The following GRM7 variants were observed in gnomAD, a reference collection of about 807,000 sequenced individuals.
GRM7 encodes glutamate metabotropic receptor 7.
Under a neutral mutation model 84.5 loss-of-function variants are expected in GRM7, and 35 were observed. The ratio of observed to expected loss-of-function variants is 0.41; its 90% CI spans 0.32 to 0.55. The LOEUF is 0.55. Among genes scored for constraint, GRM7 ranks in the 20% least tolerant of loss-of-function variants. The pLI is 0.19. For synonymous variants in GRM7, 487 were observed against 455.1 expected (o/e 1.07, Z -0.89); for missense variants, 1,003 against 1,194.6 (o/e 0.84, Z 2.36).
At chr3:7,258,010 C>T (rs760844402) in intron 2 of GRM7, among the ~76,000 whole-genome samples, 1 of 152,154 alleles carries the variant, frequency 6.6e-6, no homozygotes, top group East Asian at 1.9e-4. Flanking sequence ...TTATTCTCAT[C>T]CTTATACCCC....
At chr3:7,075,569 C>T (rs1698043268) in intron 1 of GRM7, among the ~76,000 whole-genome samples, 1 of 150,936 alleles carries the variant, frequency 6.6e-6, no homozygotes, top group Non-Finnish European at 1.5e-5. Flanking sequence ...CTCACTCTGT[C>T]GCCCAGGCTG....
At chr3:7,563,875 G>C (rs1259865541) in intron 7 of GRM7, among the ~76,000 whole-genome samples, 1 of 152,192 alleles carries the variant, frequency 6.6e-6, no homozygotes, top group Admixed American at 6.5e-5. Context: ...GCTGTTTTTA[G>C]GTAGAGATGA....
chr3:7,620,670 G>A (rs112155097), intron 8 of GRM7, among the ~76,000 whole-genome samples: 5 of 152,204 alleles, frequency 3.3e-5, no homozygotes, highest in African/African-American at 1.2e-4. Context: ...TTTATATGCT[G>A]GTGGAGATGT....
chr3:7,086,528 C>T (rs1033670915), intron 1 of GRM7, among the ~76,000 whole-genome samples: 3 of 151,984 alleles, frequency 2.0e-5, no homozygotes, highest in African/African-American at 7.2e-5. Context: ...AAAATATTTC[C>T]AAAGATATCT....
intron 1 of GRM7, among the ~76,000 whole-genome samples, chr3:7,037,291 G>T (rs1696420921): frequency 6.6e-6 from 1 of 152,134 alleles, no homozygotes; most frequent in East Asian, 1.9e-4. Context: ...TGTGGCTTTT[G>T]TCGTTACTTT....
At chr3:7,296,821 T>TA (rs61060115) in intron 2 of GRM7, among the ~76,000 whole-genome samples, 2,819 of 144,206 alleles carry the variant, frequency 0.02, 76 homozygotes, top group African/African-American at 0.062. Flanking sequence ...ACAGCTTTTT[T>TA]AAAAAAAAAA....
intron 7 of GRM7, among the ~76,000 whole-genome samples, chr3:7,475,039 A>G (rs531592156): frequency 6.9e-4 from 105 of 152,336 alleles, no homozygotes; most frequent in African/African-American, 2.5e-3. Context: ...CAACAAATAC[A>G]CAACTATTCA....
intron 1 of GRM7, among the ~76,000 whole-genome samples, chr3:7,071,424 G>A (rs1231501046): frequency 6.6e-6 from 1 of 152,012 alleles, no homozygotes; most frequent in East Asian, 1.9e-4. Context: ...TTCCATTCTA[G>A]CCATTCCAGA....
chr3:7,677,643 A>G (rs1700187635), intron 8 of GRM7, among the ~76,000 whole-genome samples: 1 of 152,228 alleles, frequency 6.6e-6, no homozygotes, highest in Non-Finnish European at 1.5e-5. Flanking sequence ...AATGAAAATC[A>G]AAGTCTTGAT....
At chr3:6,964,380 G>T (rs970686689) in intron 1 of GRM7, among the ~76,000 whole-genome samples, 17 of 152,076 alleles carry the variant, frequency 1.1e-4, no homozygotes, top group Non-Finnish European at 2.1e-4. Flanking sequence ...GCTCTCTGGG[G>T]TCCCTTTTAT....
At chr3:7,395,148 T>C (rs1477852617) in intron 4 of GRM7, among the ~76,000 whole-genome samples, 1 of 152,172 alleles carries the variant, frequency 6.6e-6, no homozygotes, top group Non-Finnish European at 1.5e-5. Context: ...TAAATATGTT[T>C]ATAGAGCCAA....
At chr3:7,045,729 G>A (rs1205106914) in intron 1 of GRM7, among the ~76,000 whole-genome samples, 1 of 151,988 alleles carries the variant, frequency 6.6e-6, no homozygotes, top group African/African-American at 2.4e-5. Flanking sequence ...CATTTTTAAG[G>A]TTGAATAATA....
chr3:7,039,518 TA>T (rs1696513014), intron 1 of GRM7, among the ~76,000 whole-genome samples: 1 of 152,194 alleles, frequency 6.6e-6, no homozygotes, highest in Non-Finnish European at 1.5e-5. Context: ...CATATGCTAA[TA>T]AGCCTGTAGT....
At position 7,622,529 on chromosome 3, in the gene GRM7, CT is replaced by C. The variant is rs534736281; in HGVS notation, c.2451+43173del. Among the ~76,000 whole-genome samples the C allele has an allele frequency of 2.1e-3, 323 of 152,130 alleles. 1 individual carries two copies. The highest frequency in any genetic ancestry group is 0.017 in the Middle Eastern group (5 of 294). ...TAATCCCACAAATAGAAAATTGCAACTGTGTTAAGTGCCATAAAGGAGAGGC... is the reference window on the plus strand; with the variant it reads ...TAATCCCACAAATAGAAAATTGCAACGTGTTAAGTGCCATAAAGGAGAGGC... On this transcript the variant is annotated intron_variant, in intron 8 of 9. Coordinates refer to ENST00000357716, the MANE Select transcript of GRM7 (RefSeq NM_000844.4).
At chr3:7,043,344 A>G (rs186660751) in intron 1 of GRM7, among the ~76,000 whole-genome samples, 1 of 152,210 alleles carries the variant, frequency 6.6e-6, no homozygotes, top group Admixed American at 6.5e-5. Context: ...CTGGACTCTC[A>G]GCTTTGTCTC....
chr3:7,286,965 G>A (rs1287965765), intron 2 of GRM7, among the ~76,000 whole-genome samples: 1 of 152,104 alleles, frequency 6.6e-6, no homozygotes, highest in Non-Finnish European at 1.5e-5. Context: ...ATCTTAGATA[G>A]GACTTTGGCT....
chr3:7,571,955 C>T (rs972191589), intron 7 of GRM7, among the ~76,000 whole-genome samples: 4 of 152,128 alleles, frequency 2.6e-5, no homozygotes, highest in Non-Finnish European at 5.9e-5. Flanking sequence ...TGCAGGGAAA[C>T]TCCCATTTTT....
chr3:6,862,987 C>T lies in GRM7; in HGVS notation c.519+1080C>T, dbSNP rs1319858635. ...CTCCAGCAGCCTCTGCCCCATGGCT[C>T]CTGAGCTGCACTGGGTAGGAATGAG... On this transcript the variant is annotated intron_variant, in intron 1 of 9. Transcript: ENST00000357716. The surrounding 1 kb of genome is among the most constrained non-coding windows in gnomAD (Gnocchi z 5.2). 2 of 456,446 alleles carry T rather than the reference C, an allele frequency of 4.4e-6. No individual in the cohort carries two copies. The highest frequency in any genetic ancestry group is 8.8e-6 in the Non-Finnish European group (2 of 226,862). 28.3% of individuals were successfully genotyped at this position (456,446 alleles called of 1,614,324 possible).
At chr3:7,659,174 G>C (rs1483375079) in intron 8 of GRM7, among the ~76,000 whole-genome samples, 1 of 152,272 alleles carries the variant, frequency 6.6e-6, no homozygotes, top group Non-Finnish European at 1.5e-5. Flanking sequence ...TCTTGAAAAT[G>C]TTCCCCATGA....
Sources: allele counts gnomAD v4.1 joint callset (sites outside exome capture counted in the v4.1 genomes callset), GRCh38; gene constraint gnomAD v4.1.1; non-coding constraint Gnocchi (gnomAD v3.1); transcripts MANE v1.5; gene names NCBI Gene and HGNC (gene_info 2026-07-23, HGNC 2026-07-21).